The following CHST11 variants were observed in gnomAD, a reference collection of about 807,000 sequenced individuals.
CHST11 encodes the protein C4S-1.
CHST11 carries 9 observed loss-of-function variants against 30.4 expected under a neutral mutation model. The ratio of observed to expected loss-of-function variants is 0.30; its 90% CI spans 0.18 to 0.52. The LOEUF (loss-of-function observed/expected upper bound fraction) is 0.52, where lower values mean the gene tolerates loss of function less well. CHST11 is among the 20% of genes least tolerant of loss of function. The probability of loss-of-function intolerance (pLI) is 0.97; values close to 1 mark genes in which losing one functional copy is unlikely to be tolerated. For missense variants in CHST11, 348 were observed against 460.6 expected (o/e 0.76, Z 2.24); for synonymous variants, 152 against 187.8 (o/e 0.81, Z 1.56).
intron 1 of CHST11, among the ~76,000 whole-genome samples, chr12:104,528,836 A>G (rs1012612966): frequency 1.3e-5 from 2 of 152,224 alleles, no homozygotes; most frequent in Admixed American, 1.3e-4. Flanking sequence ...CTTGTGCTGC[A>G]GTGTCCCCAG....
chr12:104,599,119 C>A (rs1317991046), intron 1 of CHST11, among the ~76,000 whole-genome samples: 1 of 152,212 alleles, frequency 6.6e-6, no homozygotes, highest in Non-Finnish European at 1.5e-5. Context: ...GGGTTGTTAT[C>A]ATTCCCATAA....
chr12:104,543,292 G>A (rs1704905), intron 1 of CHST11, among the ~76,000 whole-genome samples: 81,036 of 152,022 alleles, frequency 0.53, 22,365 homozygotes, highest in East Asian at 0.82. Context: ...CCTCCATGAC[G>A]CAAACACCTC....
intron 1 of CHST11, among the ~76,000 whole-genome samples, chr12:104,490,230 C>T (rs2037731738): frequency 6.6e-6 from 1 of 152,216 alleles, no homozygotes; most frequent in Admixed American, 6.5e-5. Flanking sequence ...CTAGCCAAAT[C>T]ACACATCTTG....
intron 1 of CHST11, among the ~76,000 whole-genome samples, chr12:104,540,151 A>T (rs1592752710): frequency 6.6e-6 from 1 of 152,076 alleles, no homozygotes. Context: ...ACTTTATGGA[A>T]TTTTTTTCTG....
chr12:104,707,852 A>G (rs2040049867), intron 2 of CHST11, among the ~76,000 whole-genome samples: 1 of 152,198 alleles, frequency 6.6e-6, no homozygotes, highest in South Asian at 2.1e-4. Flanking sequence ...ATTCAAACAC[A>G]CACAGGTGCA....
intron 2 of CHST11, among the ~76,000 whole-genome samples, chr12:104,722,186 G>GTGTGTGTGTGTGTGTGTA (rs1252954365): frequency 6.7e-6 from 1 of 149,970 alleles, no homozygotes; most frequent in African/African-American, 2.4e-5. Context: ...GTGTGTGTGT[G>GTGTGTGTGTGTGTGTGTA]TGTATGAGAT....
chr12:104,560,393 G>T (rs7971111), intron 1 of CHST11, among the ~76,000 whole-genome samples: 31,957 of 152,094 alleles, frequency 0.21, 3,826 homozygotes, highest in East Asian at 0.58. Context: ...AGAGGAGTGG[G>T]AAGGTTTGGT....
At chr12:104,555,629 T>A (rs1394122825) in intron 1 of CHST11, among the ~76,000 whole-genome samples, 1 of 152,248 alleles carries the variant, frequency 6.6e-6, no homozygotes, top group Non-Finnish European at 1.5e-5. Flanking sequence ...CCAACCACCC[T>A]GAACTCAGGG....
At chr12:104,585,105 C>A (rs2038789548) in intron 1 of CHST11, among the ~76,000 whole-genome samples, 1 of 152,210 alleles carries the variant, frequency 6.6e-6, no homozygotes, top group African/African-American at 2.4e-5. Flanking sequence ...ATGGATGCTG[C>A]CTGGGAAGCC....
intron 1 of CHST11, among the ~76,000 whole-genome samples, chr12:104,521,688 G>T (rs924440869): frequency 1.3e-5 from 2 of 152,154 alleles, no homozygotes. Flanking sequence ...CCTGCGTAAC[G>T]GTGTCAAAGT....
intron 2 of CHST11, among the ~76,000 whole-genome samples, chr12:104,728,070 C>T (rs2040229618): frequency 1.3e-5 from 2 of 152,084 alleles, no homozygotes; most frequent in African/African-American, 4.8e-5. Context: ...ACAATGTCAG[C>T]AATAATAGTA....
chr12:104,497,286 C>T (rs114010488), intron 1 of CHST11, among the ~76,000 whole-genome samples: 2,399 of 152,216 alleles, frequency 0.016, 69 homozygotes, highest in African/African-American at 0.053. Flanking sequence ...GCCTGGTATT[C>T]TTGTAAGAAG....
chr12:104,538,553 A>AT (rs1390646995), intron 1 of CHST11, among the ~76,000 whole-genome samples: 27 of 152,124 alleles, frequency 1.8e-4, no homozygotes, highest in Admixed American at 3.3e-4. Context: ...GAGAATATAT[A>AT]TTTTTTGAAC....
chr12:104,692,220 G>C (rs571203927), intron 2 of CHST11, among the ~76,000 whole-genome samples: 6 of 152,120 alleles, frequency 3.9e-5, no homozygotes, highest in Non-Finnish European at 8.8e-5. Context: ...TCCTCAGAGC[G>C]TGCAGCCCAC....
At position 104,735,071 on chromosome 12, in the gene CHST11, G is replaced by A. The variant is rs2040289476; in HGVS notation, c.205-21878G>A. Among the ~76,000 whole-genome samples the A allele has an allele frequency of 2.0e-5, 3 of 152,344 alleles. No individual in the cohort carries two copies. In the South Asian group the frequency reaches 6.2e-4, roughly 32 times the overall value. ...ACACAGGGGATTCCAGGATGAGCAAGGCAACAGTCCTGAACTTCAGGGAGC... is the reference window on the plus strand; with the variant it reads ...ACACAGGGGATTCCAGGATGAGCAAAGCAACAGTCCTGAACTTCAGGGAGC... On this transcript the variant is annotated intron_variant, in intron 2 of 2. Coordinates refer to ENST00000303694, the MANE Select transcript of CHST11 (RefSeq NM_018413.6).
intron 1 of CHST11, among the ~76,000 whole-genome samples, chr12:104,583,142 C>A (rs1365438147): frequency 6.6e-6 from 1 of 152,108 alleles, no homozygotes; most frequent in African/African-American, 2.4e-5. Context: ...CAACAGAAAT[C>A]TTGTACATGG....
intron 1 of CHST11, among the ~76,000 whole-genome samples, chr12:104,578,835 A>C (rs904002751): frequency 3.3e-5 from 5 of 152,242 alleles, no homozygotes; most frequent in Non-Finnish European, 7.3e-5. Flanking sequence ...ATAGACTGCC[A>C]TGTGAGAGCC....
At chr12:104,594,248 A>G (rs2038887202) in intron 1 of CHST11, among the ~76,000 whole-genome samples, 1 of 149,672 alleles carries the variant, frequency 6.7e-6, no homozygotes, top group Non-Finnish European at 1.5e-5. Context: ...CACTGGGCCC[A>G]GTATTTTCCT....
chr12:104,732,749 A>G (rs1015970336), intron 2 of CHST11, among the ~76,000 whole-genome samples: 1 of 152,208 alleles, frequency 6.6e-6, no homozygotes, highest in Non-Finnish European at 1.5e-5. Context: ...AGGTGCTCAC[A>G]TCATCTATTG....
Sources: allele counts gnomAD v4.1 joint callset (sites outside exome capture counted in the v4.1 genomes callset), GRCh38; gene constraint gnomAD v4.1.1; transcripts MANE v1.5; gene names NCBI Gene and HGNC (gene_info 2026-07-23, HGNC 2026-07-21).